Variants in PARK7 observed in about 807,000 individuals in gnomAD.
PARK7 encodes Parkinson disease protein 7.
In PARK7, 14 loss-of-function variants were observed where a neutral mutation model predicts 20.5. That is an observed-to-expected ratio of 0.68 (90% CI 0.45 to 1.07). The LOEUF is 1.07. PARK7 is among the 50% of genes least tolerant of loss of function. PARK7 has a pLI of 0.00. For synonymous variants in PARK7, 98 were observed against 84.3 expected, an observed-to-expected ratio of 1.16 and a Z score of -0.89; for missense variants, 234 against 238.1, an observed-to-expected ratio of 0.98 and a Z score of 0.11.
intron 2 of PARK7, among the ~76,000 whole-genome samples, 157 bp from the exon 3 acceptor site, chr1:7,965,167 A>G (rs1640297427): frequency 6.6e-6 from 1 of 152,178 alleles, no homozygotes; most frequent in Non-Finnish European, 1.5e-5. Flanking sequence ...ATTTGAGCCC[A>G]GGAGCTGGAG....
chr1:7,969,497 T>G, intron 4 of PARK7, 93 bp downstream of exon 4: 33 of 874,666 alleles, frequency 3.8e-5, no homozygotes, highest in Non-Finnish European at 5.3e-5. Flanking sequence ...TTAATTTTGT[T>G]ATTATTCAAA....
chr1:7,962,940 G>A, intron 2 of PARK7, 65 bp downstream of exon 2: 2 of 1,294,340 alleles, frequency 1.5e-6, no homozygotes, highest in East Asian at 4.6e-5. Flanking sequence ...AAATCATTTT[G>A]AATAAAATAT....
At chr1:7,967,695 G>C (rs1033244138) in intron 3 of PARK7, among the ~76,000 whole-genome samples, 1 of 151,766 alleles carries the variant, frequency 6.6e-6, no homozygotes, top group Non-Finnish European at 1.5e-5. Context: ...GAGGCAGGAG[G>C]ATTACCTGAG....
chr1:7,969,527 GAA>G, intron 4 of PARK7, 123 bp downstream of exon 4: 1 of 708,210 alleles, frequency 1.4e-6, no homozygotes, highest in Non-Finnish European at 2.3e-6. Flanking sequence ...AGGAGGCTGT[GAA>G]AAAAAAATAG....
At chr1:7,981,660 G>GTTTTTTT (rs1245140194) in intron 6 of PARK7, among the ~76,000 whole-genome samples, 2 of 136,516 alleles carry the variant, frequency 1.5e-5, no homozygotes, top group Non-Finnish European at 3.1e-5. Flanking sequence ...TGTGTCTTTT[G>GTTTTTTT]TTTTTTTTTT....
intron 2 of PARK7, 117 bp from the exon 3 acceptor site, chr1:7,965,207 C>T: frequency 1.1e-6 from 1 of 874,348 alleles, no homozygotes; most frequent in Non-Finnish European, 1.9e-6. Context: ...GTGTCACTGC[C>T]CTCTAGCCCA....
At chr1:7,970,173 C>A (rs1215871827) in intron 4 of PARK7, among the ~76,000 whole-genome samples, 1 of 151,344 alleles carries the variant, frequency 6.6e-6, no homozygotes, top group Non-Finnish European at 1.5e-5. Context: ...CTAGCCTGGG[C>A]AACAAAGCAA....
At chr1:7,979,599 C>T (rs1640668298) in intron 6 of PARK7, among the ~76,000 whole-genome samples, 1 of 152,154 alleles carries the variant, frequency 6.6e-6, no homozygotes, top group South Asian at 2.1e-4. Context: ...CTCTTGGGAT[C>T]AGGCAATCCT....
chr1:7,963,000 A>T, intron 2 of PARK7, 125 bp downstream of exon 2: 2 of 806,288 alleles, frequency 2.5e-6, no homozygotes, highest in Non-Finnish European at 4.2e-6. Context: ...TTCAGAGATG[A>T]CATAAGAATA....
At chr1:7,963,597 A>G (rs1448811011) in intron 2 of PARK7, among the ~76,000 whole-genome samples, 3 of 150,212 alleles carry the variant, frequency 2.0e-5, no homozygotes, top group East Asian at 3.9e-4. Context: ...TTGGTCTCGA[A>G]CTCCTGGCTT....
At chr1:7,976,546 G>GTTC in intron 5 of PARK7, among the ~76,000 whole-genome samples, 1 of 152,086 alleles carries the variant, frequency 6.6e-6, no homozygotes, top group Non-Finnish European at 1.5e-5. Context: ...CTTCCATGTG[G>GTTC]TTCTTTGCTT....
At chr1:7,962,396 G>T in intron 1 of PARK7, among the ~76,000 whole-genome samples, 1 of 151,544 alleles carries the variant, frequency 6.6e-6, no homozygotes, top group African/African-American at 2.4e-5. Context: ...CTGAAACAGT[G>T]CTTCAAAAAA....
In PARK7 at chr1:7,977,744, T is replaced by C. The variant is rs1330034429; in HGVS notation, c.409+6T>C. On this transcript the variant is annotated splice_donor_region_variant and intron_variant, in intron 6 of 6. Coordinates refer to ENST00000338639, the MANE Select transcript of PARK7 (RefSeq NM_007262.5). ...AGACAAAATGATGAATGGAGGTAAG[T>C]ATATGCTTGTTTTTGTTTGTTTGTT... 1.2e-6 allele frequency: 2 copies of C among 1,612,074 alleles called. No homozygotes were observed. The highest frequency in any genetic ancestry group is 1.1e-5 in the South Asian group (1 of 91,066).
intron 5 of PARK7, among the ~76,000 whole-genome samples, chr1:7,976,914 G>A (rs2151436077): frequency 6.6e-6 from 1 of 152,184 alleles, no homozygotes; most frequent in South Asian, 2.1e-4. Context: ...TAGAGACAGG[G>A]TTCCAGCGTG....
intron 6 of PARK7, among the ~76,000 whole-genome samples, chr1:7,982,014 C>T (rs547820928): frequency 3.6e-4 from 44 of 123,392 alleles, no homozygotes; most frequent in Admixed American, 9.6e-4. Flanking sequence ...CTTGCTCTCT[C>T]ACCCAGGCTG....
chr1:7,974,142 A>ACCC (rs1377314296), intron 5 of PARK7, among the ~76,000 whole-genome samples: 3 of 138,062 alleles, frequency 2.2e-5, no homozygotes, highest in Middle Eastern at 3.9e-3. Flanking sequence ...AGACCCCCCC[A>ACCC]CCGACCTCTA....
intron 3 of PARK7, among the ~76,000 whole-genome samples, chr1:7,968,075 C>T (rs946292844): frequency 6.6e-6 from 1 of 151,732 alleles, no homozygotes; most frequent in East Asian, 1.9e-4. Context: ...TTTGGGAGGC[C>T]GAGATGGGTG....
chr1:7,977,057 AG>A lies in PARK7; in HGVS notation c.323-594del, dbSNP rs537994802. On this transcript the variant is annotated intron_variant, in intron 5 of 6. Transcript: ENST00000338639. ...TTCAAGTAGAAAATAAGATTACAAA[AG>A]AGCAATAAAATCCAGAAGTTCAGAG... Among the ~76,000 whole-genome samples the A allele has an allele frequency of 1.9e-3, 285 of 152,254 alleles. 1 individual carries two copies. The highest frequency in any genetic ancestry group is 6.8e-3 in the African/African-American group (281 of 41,540).
chr1:7,964,885 C>A (rs1482971425), intron 2 of PARK7, among the ~76,000 whole-genome samples: 2 of 152,202 alleles, frequency 1.3e-5, no homozygotes, highest in South Asian at 2.1e-4. Flanking sequence ...ACTGGTCACC[C>A]AAACCAGAAC....
Sources: gnomAD v4.1 joint callset for allele counts (sites outside exome capture counted in the v4.1 genomes callset) on GRCh38, gnomAD v4.1.1 for gene constraint, MANE v1.5 for transcripts, NCBI Gene and HGNC (gene_info 2026-07-23, HGNC 2026-07-21) for gene names.